The following ARHGAP6 variants were observed in gnomAD, a reference collection of about 807,000 sequenced individuals.
ARHGAP6 encodes the protein Rho GTPase activating protein 6.
ARHGAP6 carries 16 observed loss-of-function variants against 55.7 expected under a neutral mutation model. The ratio of observed to expected loss-of-function variants is 0.29; its 90% CI spans 0.19 to 0.44. The LOEUF (loss-of-function observed/expected upper bound fraction) is 0.44, where lower values mean the gene tolerates loss of function less well. Among genes scored for constraint, ARHGAP6 ranks in the 20% least tolerant of loss-of-function variants. The probability of loss-of-function intolerance (pLI) is 1.00; values close to 1 mark genes in which losing one functional copy is unlikely to be tolerated. For synonymous variants in ARHGAP6, 382 were observed against 360.9 expected, an observed-to-expected ratio of 1.06 and a Z score of -0.66; for missense variants, 698 against 808.9, an observed-to-expected ratio of 0.86 and a Z score of 1.66.
chrX:11,458,288 C>T (rs2050212150), intron 1 of ARHGAP6, among the ~76,000 whole-genome samples: 1 of 112,125 alleles, frequency 8.9e-6, no homozygotes, highest in East Asian at 2.8e-4. Flanking sequence ...AGGGAATGAG[C>T]TCATCCTTCA....
chrX:11,601,710 T>A (rs1229862713), intron 1 of ARHGAP6, among the ~76,000 whole-genome samples: 2 of 111,849 alleles, frequency 1.8e-5, no homozygotes, highest in Admixed American at 1.9e-4. Flanking sequence ...CCGGCCAATG[T>A]GTCAATCTCT....
chrX:11,508,901 G>A (rs951059066), intron 1 of ARHGAP6, among the ~76,000 whole-genome samples: 1 of 108,520 alleles, frequency 9.2e-6, no homozygotes, highest in Non-Finnish European at 1.9e-5. Flanking sequence ...TCACACATGC[G>A]ATCTATATGG....
intron 1 of ARHGAP6, among the ~76,000 whole-genome samples, chrX:11,439,812 T>A (rs1360283189): frequency 8.9e-6 from 1 of 112,537 alleles, no homozygotes; most frequent in Non-Finnish European, 1.9e-5. Context: ...GGATTCATTT[T>A]GTCTGTAGAA....
chrX:11,293,710 ATTTAT>A (rs2048032999), intron 1 of ARHGAP6, among the ~76,000 whole-genome samples: 1 of 111,994 alleles, frequency 8.9e-6, no homozygotes, highest in South Asian at 3.6e-4. Context: ...ACAGTAAAAT[ATTTAT>A]TTTAATTAAT....
chrX:11,385,090 C>G (rs1460732410), intron 1 of ARHGAP6, among the ~76,000 whole-genome samples: 2 of 111,793 alleles, frequency 1.8e-5, no homozygotes, highest in Non-Finnish European at 3.8e-5. Context: ...GTATAAATGA[C>G]TATAGCACAA....
intron 9 of ARHGAP6, among the ~76,000 whole-genome samples, chrX:11,157,347 C>T (rs1056742210): frequency 2.7e-5 from 3 of 112,481 alleles, no homozygotes; most frequent in Non-Finnish European, 3.8e-5. Context: ...CTTTATTATT[C>T]GGTGCCTGCC....
At chrX:11,621,926 A>G (rs777755568) in intron 1 of ARHGAP6, among the ~76,000 whole-genome samples, 3 of 111,943 alleles carry the variant, frequency 2.7e-5, no homozygotes, top group Non-Finnish European at 3.8e-5. Context: ...AGAAGTTACT[A>G]TCATACACAC....
At chrX:11,654,113 G>A (rs2052613952) in intron 1 of ARHGAP6, among the ~76,000 whole-genome samples, 1 of 111,622 alleles carries the variant, frequency 9.0e-6, no homozygotes, top group Non-Finnish European at 1.9e-5. Flanking sequence ...AAAATTACTA[G>A]CTATATCAAA....
At chrX:11,548,060 C>A (rs941072893) in intron 1 of ARHGAP6, among the ~76,000 whole-genome samples, 9 of 111,331 alleles carry the variant, frequency 8.1e-5, no homozygotes, top group Admixed American at 1.9e-4. Context: ...TGACTGGGGA[C>A]CACCCCCAGA....
chrX:11,140,362 G>A (rs1289490232), intron 12 of ARHGAP6, among the ~76,000 whole-genome samples: 1 of 99,693 alleles, frequency 1.0e-5, no homozygotes, highest in Non-Finnish European at 2.0e-5. Context: ...AGCTTGCAGT[G>A]AGCCGAGATC....
At chrX:11,442,612 C>G (rs2050051085) in intron 1 of ARHGAP6, among the ~76,000 whole-genome samples, 1 of 112,121 alleles carries the variant, frequency 8.9e-6, no homozygotes, top group Non-Finnish European at 1.9e-5. Context: ...CATTCAGCTT[C>G]TTTGCATCCT....
At chrX:11,566,756 A>C (rs1241201445) in intron 1 of ARHGAP6, among the ~76,000 whole-genome samples, 1 of 112,352 alleles carries the variant, frequency 8.9e-6, no homozygotes, top group Non-Finnish European at 1.9e-5. Context: ...AACCATGTAC[A>C]AGACAAAGTA....
At chrX:11,587,412 G>A (rs182464173) in intron 1 of ARHGAP6, among the ~76,000 whole-genome samples, 1 of 111,948 alleles carries the variant, frequency 8.9e-6, no homozygotes, top group East Asian at 2.8e-4. Flanking sequence ...GGAAGGAAAA[G>A]ATTCTTTCTA....
At chrX:11,399,555 G>A (rs1351151333) in intron 1 of ARHGAP6, among the ~76,000 whole-genome samples, 1 of 111,081 alleles carries the variant, frequency 9.0e-6, no homozygotes, top group African/African-American at 3.3e-5. Flanking sequence ...CTGAATCCCT[G>A]TATTAAGATT....
intron 1 of ARHGAP6, among the ~76,000 whole-genome samples, chrX:11,364,816 A>T: frequency 9.0e-6 from 1 of 111,455 alleles, no homozygotes; most frequent in Admixed American, 9.5e-5. Context: ...AGATAGATGC[A>T]TCAGGGATGA....
chrX:11,428,360 G>A (rs2049910735), intron 1 of ARHGAP6, among the ~76,000 whole-genome samples: 1 of 111,715 alleles, frequency 9.0e-6, no homozygotes, highest in African/African-American at 3.3e-5. Flanking sequence ...TTCCAGGGGG[G>A]CTTGCAGGGC....
chrX:11,192,405 T>TG (rs1450039269), intron 3 of ARHGAP6, among the ~76,000 whole-genome samples: 1 of 111,903 alleles, frequency 8.9e-6, no homozygotes, highest in African/African-American at 3.3e-5. Flanking sequence ...AGTCATGCTG[T>TG]GGCCCAGTAC....
intron 1 of ARHGAP6, among the ~76,000 whole-genome samples, chrX:11,445,606 A>G (rs914173157): frequency 8.9e-6 from 1 of 112,150 alleles, no homozygotes; most frequent in African/African-American, 3.2e-5. Context: ...TATCAGTTCA[A>G]TGATATCAAA....
At chrX:11,537,703 G>A (rs1015803024) in intron 1 of ARHGAP6, among the ~76,000 whole-genome samples, 2 of 111,665 alleles carry the variant, frequency 1.8e-5, no homozygotes, top group Admixed American at 9.5e-5. Flanking sequence ...TAAATTATTG[G>A]AAGTTCCAAA....
Sources: gnomAD v4.1 joint callset for allele counts (sites outside exome capture counted in the v4.1 genomes callset) on GRCh38, gnomAD v4.1.1 for gene constraint, MANE v1.5 for transcripts, NCBI Gene and HGNC (gene_info 2026-07-23, HGNC 2026-07-21) for gene names.